Variants in HMGXB3 observed in about 807,000 individuals in gnomAD.
HMGXB3 encodes HMG-box containing 3.
HMGXB3 carries 45 observed loss-of-function variants against 121.5 expected under a neutral mutation model. The observed-to-expected ratio is 0.37, with a 90% CI of 0.29 to 0.47. The LOEUF is 0.47. Among genes scored for constraint, HMGXB3 ranks in the 20% least tolerant of loss-of-function variants. The pLI, the probability that HMGXB3 is intolerant of heterozygous loss-of-function variation, is 0.99. For synonymous variants in HMGXB3, 590 were observed against 624.1 expected (o/e 0.95, Z 0.81); for missense variants, 1,376 against 1,602.2 (o/e 0.86, Z 2.41).
At chr5:150,002,718 TC>T (rs1488355377) in intron 1 of HMGXB3, among the ~76,000 whole-genome samples, 1 of 152,256 alleles carries the variant, frequency 6.6e-6, no homozygotes, top group Non-Finnish European at 1.5e-5. Context: ...ATGCCTCTTT[TC>T]CTAGACATAA....
In HMGXB3 at chr5:150,036,959, C is replaced by G. The variant is rs183590382; in HGVS notation, c.2285+22C>G. 3.9e-6 allele frequency: 6 copies of G among 1,529,430 alleles called. No individual in the cohort carries two copies. The East Asian group carries it at 9.8e-5, about 25-fold the overall frequency. The allele number at this position is 1,529,430 out of a possible 1,614,324, so 94.7% of individuals were successfully genotyped here. A position where few individuals can be genotyped will look rare whatever the true frequency, so the allele number is the denominator to read the frequency against. On this transcript the variant is annotated intron_variant, in intron 12 of 19. Transcript: ENST00000502717. ...AAAAGTAAGCACCCCTTAACTCTGC[C>G]CCTAGCTACCCCATCCCATTTGGCT...
At chr5:150,038,567 C>T (rs1030441477) in intron 13 of HMGXB3, among the ~76,000 whole-genome samples, 3 of 152,178 alleles carry the variant, frequency 2.0e-5, no homozygotes, top group Admixed American at 6.5e-5. Flanking sequence ...AGGTCTATCA[C>T]CCAAAACATT....
In HMGXB3 at chr5:150,047,721, G is replaced by T. The variant is rs1189971281; in HGVS notation, c.3048G>T (p.Arg1016Ser). The change falls in exon 17 of 20, where the codon AGG (arginine) becomes AGT (serine). Residue 1016 changes from arginine to serine, a missense_variant. Coordinates refer to ENST00000502717, the MANE Select transcript of HMGXB3 (RefSeq NM_014983.3). Reference protein sequence around the residue: ...YSEEKLQHLLRQCGIPFGAED... With the variant: ...YSEEKLQHLLSQCGIPFGAED... ...AAGAGAAGCTGCAGCACCTGCTAAG[G>T]CAGTGTGGAATCCCCTTTGGGGCAG... The T allele has an allele frequency of 6.4e-7, 1 of 1,551,766 alleles. No homozygotes were observed. The highest frequency in any genetic ancestry group is 2.0e-5 in the Admixed American group (1 of 51,008).
chr5:150,032,324 G>A (rs1257940352), intron 10 of HMGXB3, 130 bp from the exon 11 acceptor site: 2 of 855,748 alleles, frequency 2.3e-6, no homozygotes, highest in Admixed American at 2.8e-5. Flanking sequence ...GGCTCTTGAA[G>A]TTAGGCTGAA....
intron 10 of HMGXB3, 95 bp from the exon 11 acceptor site, chr5:150,032,359 T>G (rs1756400712): frequency 8.3e-7 from 1 of 1,202,944 alleles, no homozygotes; most frequent in Non-Finnish European, 1.2e-6. Flanking sequence ...GCCACTCTCT[T>G]CTCTGATTTA....
In HMGXB3 at chr5:150,001,180, G is replaced by C. The variant is rs998335934; in HGVS notation, c.-3+1G>C. 11 of 152,856 alleles carry C rather than the reference G, an allele frequency of 7.2e-5. No homozygotes were observed. The highest frequency in any genetic ancestry group is 1.3e-4 in the Non-Finnish European group (9 of 68,236). 9.5% of individuals were successfully genotyped at this position (152,856 alleles called of 1,614,324 possible). A position where few individuals can be genotyped will look rare whatever the true frequency, so the allele number is the denominator to read the frequency against. ...CGGCGCAGCTTGCACGCTCCTCCGGGTAAGTCCCGCCTTCGAGGGCCGCGC... is the reference window on the plus strand; with the variant it reads ...CGGCGCAGCTTGCACGCTCCTCCGGCTAAGTCCCGCCTTCGAGGGCCGCGC... On this transcript the variant is annotated splice_donor_variant, in intron 1 of 19. Coordinates refer to ENST00000502717, the MANE Select transcript of HMGXB3 (RefSeq NM_014983.3). LOFTEE classifies it low-confidence loss of function (5UTR_SPLICE).
intron 16 of HMGXB3, 86 bp downstream of exon 16, chr5:150,045,771 T>A: frequency 9.5e-7 from 1 of 1,057,498 alleles, no homozygotes; most frequent in Non-Finnish European, 1.4e-6. Flanking sequence ...AGCACAGTGG[T>A]AGCGAGAGGG....
At position 150,006,522 on chromosome 5, in the gene HMGXB3, G is replaced by A; in HGVS notation, c.187G>A (p.Glu63Lys). 6.4e-7 allele frequency: 1 copy of A among 1,551,916 alleles called. No individual in the cohort carries two copies. Among genetic ancestry groups the A allele is most frequent in the Non-Finnish European group, 8.7e-7 (1 of 1,147,032 alleles). ...CGACATCTACCTGAAAGTGCAGCAG[G>A]AGCTCCCCCACCTCCCTCAGTCTGA... ...YYDIYLKVQQ[E>K]LPHLPQSEIN... The change falls in exon 3 of 20, where the codon GAG becomes AAG. Residue 63 changes from glutamate to lysine, a missense_variant. This residue lies in a region of HMGXB3 where 1,116 missense variants were observed against 1,369.0 expected (regional missense o/e 0.82). Transcript: ENST00000502717.
intron 3 of HMGXB3, among the ~76,000 whole-genome samples, chr5:150,008,250 A>G (rs116515200): frequency 6.6e-6 from 1 of 152,174 alleles, no homozygotes; most frequent in Non-Finnish European, 1.5e-5. Context: ...GCTTATTTCT[A>G]TCTACCACTA....
intron 16 of HMGXB3, among the ~76,000 whole-genome samples, chr5:150,046,350 T>G (rs1756755023): frequency 6.6e-6 from 1 of 152,392 alleles, no homozygotes; most frequent in East Asian, 1.9e-4. Flanking sequence ...CGCAGAATGA[T>G]ATTCGTACAT....
chr5:150,052,224 C>T lies in HMGXB3; in HGVS notation c.*32C>T. On this transcript the variant is annotated 3_prime_UTR_variant, in exon 20 of 20. Coordinates refer to ENST00000502717, the MANE Select transcript of HMGXB3 (RefSeq NM_014983.3). Reference sequence around the variant, plus strand: ...CTGTTGTACAGGGACTACACCATCTCTCAAGCCATAGTAAGGCCCTTGCCT... The same window carrying T: ...CTGTTGTACAGGGACTACACCATCTTTCAAGCCATAGTAAGGCCCTTGCCT... The T allele has an allele frequency of 6.8e-7, 1 of 1,480,766 alleles. No individual in the cohort carries two copies. The highest frequency in any genetic ancestry group is 9.1e-7 in the Non-Finnish European group (1 of 1,100,166). 91.7% of individuals were successfully genotyped at this position (1,480,766 alleles called of 1,614,324 possible).
At chr5:150,004,579 A>T (rs1243689354) in intron 1 of HMGXB3, among the ~76,000 whole-genome samples, 2 of 152,248 alleles carry the variant, frequency 1.3e-5, no homozygotes, top group Admixed American at 1.3e-4. Flanking sequence ...GGCAGTGGTC[A>T]CAAACTTGCC....
intron 19 of HMGXB3, among the ~76,000 whole-genome samples, chr5:150,051,325 A>G (rs573917812): frequency 6.6e-6 from 1 of 152,348 alleles, no homozygotes; most frequent in Non-Finnish European, 1.5e-5. Context: ...GATGCATTAT[A>G]GGAAGTGAAG....
intron 5 of HMGXB3, among the ~76,000 whole-genome samples, chr5:150,014,479 G>A (rs1278943414): frequency 6.6e-6 from 1 of 152,210 alleles, no homozygotes; most frequent in African/African-American, 2.4e-5. Flanking sequence ...AGGTACAGTA[G>A]CACTTTAAAG....
rs1160196720 is a variant in HMGXB3, at chr5:150,048,667, CA to C, written c.3185del (p.Lys1062ArgfsTer39). 1 of 1,549,472 alleles carries C rather than the reference CA, an allele frequency of 6.5e-7. No individual in the cohort carries two copies. The highest frequency in any genetic ancestry group is 8.7e-7 in the Non-Finnish European group (1 of 1,145,040). The part of the protein sequence containing the change: ...PRHFTGGKIY[K>X]VCPHQVVCGS... Reference sequence around the variant, plus strand: ...GTCACTTCACAGGTGGTAAAATCTACAAGGTGTGCCCCCATCAGGTAAGAAA... The same window carrying C: ...GTCACTTCACAGGTGGTAAAATCTACAGGTGTGCCCCCATCAGGTAAGAAA... On this transcript the variant is annotated frameshift_variant, in exon 18 of 20. Transcript: ENST00000502717. LOFTEE classifies it high-confidence loss of function.
rs761841928 is a variant in HMGXB3 at position 150,052,050 on chromosome 5, G to A, written c.3737G>A (p.Arg1246His). Reference protein sequence around the residue: ...DFLTSREIVNRQIHDIVQSCQ... With the variant: ...DFLTSREIVNHQIHDIVQSCQ... ...CTCACCAGCCGCGAAATTGTCAATC[G>A]TCAGATCCATGACATTGTACAGAGC... Residue 1246 changes from arginine to histidine, a missense_variant, in exon 20 of 20, where the codon CGT becomes CAT. Arg to His is a conservative substitution (Grantham distance 29, BLOSUM62 0). Coordinates refer to ENST00000502717, the MANE Select transcript of HMGXB3 (RefSeq NM_014983.3). The A allele has an allele frequency of 5.0e-5, 78 of 1,551,972 alleles. No homozygotes were observed. The highest frequency in any genetic ancestry group is 5.7e-5 in the Non-Finnish European group (65 of 1,147,060).
chr5:150,017,952 G>A (rs1755995936), intron 5 of HMGXB3, among the ~76,000 whole-genome samples: 1 of 152,210 alleles, frequency 6.6e-6, no homozygotes, highest in African/African-American at 2.4e-5. Context: ...ACTACATTCT[G>A]TTGAGTATCA....
chr5:150,045,398 G>A, intron 15 of HMGXB3, 68 bp from the exon 16 acceptor site: 1 of 1,280,860 alleles, frequency 7.8e-7, no homozygotes, highest in Non-Finnish European at 1.1e-6. Context: ...ATAATGACGG[G>A]GTAGGCTGTT....
intron 9 of HMGXB3, among the ~76,000 whole-genome samples, chr5:150,028,309 G>A (rs1756279990): frequency 6.6e-6 from 1 of 151,592 alleles, no homozygotes; most frequent in African/African-American, 2.4e-5. Context: ...TGAATAGAAT[G>A]GGAGGCAGGT....
Sources: gnomAD v4.1 joint callset for allele counts (sites outside exome capture counted in the v4.1 genomes callset) on GRCh38, gnomAD v4.1.1 for gene constraint, gnomAD v4.1.1 regional missense constraint, MANE v1.5 for transcripts, NCBI Gene and HGNC (gene_info 2026-07-23, HGNC 2026-07-21) for gene names.